Variants in COL24A1 observed in about 807,000 individuals in gnomAD.
The protein encoded by COL24A1 is collagen type XXIV alpha 1 chain, also known as collagen alpha-1(XXIV) chain.
In COL24A1, 224 loss-of-function variants were observed where a neutral mutation model predicts 253.9. The ratio of observed to expected loss-of-function variants is 0.88; its 90% CI spans 0.79 to 0.99. The LOEUF (loss-of-function observed/expected upper bound fraction) is 0.99, where lower values mean the gene tolerates loss of function less well. Ranked by LOEUF, COL24A1 falls within the 50% of genes least tolerant of loss-of-function variation. The probability of loss-of-function intolerance (pLI) is 0.00; values close to 1 mark genes in which losing one functional copy is unlikely to be tolerated. For synonymous variants in COL24A1, 685 were observed against 673.7 expected (o/e 1.02, Z -0.26); for missense variants, 2,131 against 2,068.5 (o/e 1.03, Z -0.59).
chr1:86,040,193 C>A (rs1455578775), intron 12 of COL24A1, among the ~76,000 whole-genome samples: 1 of 152,116 alleles, frequency 6.6e-6, no homozygotes. Context: ...CCACCTTATT[C>A]TTGCCATTTG....
chr1:86,114,980 G>T (rs1705995063), intron 4 of COL24A1, among the ~76,000 whole-genome samples: 1 of 152,074 alleles, frequency 6.6e-6, no homozygotes, highest in South Asian at 2.1e-4. Flanking sequence ...TTTTAAGGCA[G>T]CCCACCCCTC....
At chr1:85,733,721 T>A (rs573954252) in intron 59 of COL24A1, among the ~76,000 whole-genome samples, 2 of 151,676 alleles carry the variant, frequency 1.3e-5, no homozygotes, top group African/African-American at 4.8e-5. Flanking sequence ...CTGGGATTAT[T>A]GGCGTGTGCC....
intron 1 of COL24A1, among the ~76,000 whole-genome samples, chr1:86,150,592 T>C (rs1050091364): frequency 1.3e-5 from 2 of 151,960 alleles, no homozygotes; most frequent in Non-Finnish European, 2.9e-5. Flanking sequence ...ATTTTCATTT[T>C]AGCTTTCTTG....
At chr1:85,963,034 C>T (rs1257173165) in intron 23 of COL24A1, among the ~76,000 whole-genome samples, 1 of 152,046 alleles carries the variant, frequency 6.6e-6, no homozygotes, top group African/African-American at 2.4e-5. Flanking sequence ...ATTTGGATAT[C>T]TTGAGTTAAA....
In COL24A1 at chr1:86,000,283, C is replaced by T. The variant is rs528517643; in HGVS notation, c.2311-12629G>A. On this transcript the variant is annotated intron_variant, in intron 19 of 59. Coordinates refer to ENST00000370571, the MANE Select transcript of COL24A1 (RefSeq NM_152890.7). Reference sequence around the variant, plus strand: ...TCTCACATGATGCCTTCACCATTACCTAACAGTTTACATATAGATTTCGTT... The same window carrying T: ...TCTCACATGATGCCTTCACCATTACTTAACAGTTTACATATAGATTTCGTT... Among the ~76,000 whole-genome samples the T allele has an allele frequency of 2.0e-5, 3 of 152,264 alleles. No individual in the cohort carries two copies. The East Asian group carries it at 5.8e-4, about 29-fold the overall frequency.
chr1:86,049,897 T>G (rs1200231434), intron 11 of COL24A1, among the ~76,000 whole-genome samples: 1 of 152,118 alleles, frequency 6.6e-6, no homozygotes, highest in African/African-American at 2.4e-5. Context: ...TTTTCAAAAA[T>G]TTGAACTTAA....
chr1:86,050,819 A>T (rs1308354694), intron 10 of COL24A1, among the ~76,000 whole-genome samples: 2 of 152,050 alleles, frequency 1.3e-5, no homozygotes, highest in African/African-American at 4.8e-5. Flanking sequence ...AACAAGGGAT[A>T]CATATAAATA....
At chr1:86,070,950 C>T (rs964189426) in intron 7 of COL24A1, among the ~76,000 whole-genome samples, 3 of 151,942 alleles carry the variant, frequency 2.0e-5, no homozygotes, top group Non-Finnish European at 4.4e-5. Flanking sequence ...TAATATAGCA[C>T]TGTAATGGTG....
At chr1:85,907,344 G>A in intron 27 of COL24A1, 97 bp from the exon 28 acceptor site, 3 of 1,000,766 alleles carry the variant, frequency 3.0e-6, no homozygotes, top group Non-Finnish European at 4.6e-6. Context: ...CTTCTCCCAG[G>A]ACATTTTTAC....
In COL24A1 at chr1:86,156,583, G is replaced by C. The variant is rs192927425; in HGVS notation, c.-187C>G. ...CGGGAGGAGGTAGGAAATAGCACCCGAAGGGGAGGACAGGCTTCCTAGCTC... is the reference window on the plus strand; with the variant it reads ...CGGGAGGAGGTAGGAAATAGCACCCCAAGGGGAGGACAGGCTTCCTAGCTC... On this transcript the variant is annotated 5_prime_UTR_variant, in exon 1 of 60. Coordinates refer to ENST00000370571, the MANE Select transcript of COL24A1 (RefSeq NM_152890.7). 1 of 458,698 alleles carries C rather than the reference G, an allele frequency of 2.2e-6. No homozygotes were observed. Among genetic ancestry groups the C allele is most frequent in the African/African-American group, 2.0e-5 (1 of 49,208 alleles). The allele number at this position is 458,698 out of a possible 1,614,324, so 28.4% of individuals were successfully genotyped here.
Position 86,033,363 on chromosome 1 carries a change from C to A in COL24A1, c.2004+507G>T, listed in dbSNP as rs546699769. 4.6e-5 allele frequency among the ~76,000 whole-genome samples: 7 copies of A among 151,994 alleles called. No homozygotes were observed. The South Asian group carries it at 1.5e-3, about 32-fold the overall frequency. ...CAAAAACTAAAGCTTTTCTACCTAGCGCCAAAAAATAGCAATCCATCATCA... is the reference window on the plus strand; with the variant it reads ...CAAAAACTAAAGCTTTTCTACCTAGAGCCAAAAAATAGCAATCCATCATCA... On this transcript the variant is annotated intron_variant, in intron 13 of 59. Coordinates refer to ENST00000370571, the MANE Select transcript of COL24A1 (RefSeq NM_152890.7).
intron 43 of COL24A1, among the ~76,000 whole-genome samples, chr1:85,831,409 A>G (rs1248908089): frequency 6.6e-6 from 1 of 152,152 alleles, no homozygotes; most frequent in Non-Finnish European, 1.5e-5. Context: ...GAGTGATCAT[A>G]GAATAGCCAA....
chr1:86,025,415 A>G (rs915844384), intron 14 of COL24A1, among the ~76,000 whole-genome samples: 1 of 152,298 alleles, frequency 6.6e-6, no homozygotes, highest in Middle Eastern at 3.4e-3. Flanking sequence ...TCACTGGCCA[A>G]TTAATAAGGG....
chr1:86,126,592 C>A (rs1648339888), intron 2 of COL24A1, among the ~76,000 whole-genome samples: 1 of 152,018 alleles, frequency 6.6e-6, no homozygotes, highest in Non-Finnish European at 1.5e-5. Flanking sequence ...CCCACCTCAG[C>A]CTCCCAAGTA....
intron 12 of COL24A1, among the ~76,000 whole-genome samples, chr1:86,035,702 T>C (rs577142588): frequency 6.6e-6 from 1 of 152,284 alleles, no homozygotes; most frequent in Non-Finnish European, 1.5e-5. Context: ...TTATATACTT[T>C]AAAGGTGAAT....
At chr1:85,779,218 G>T (rs2101525420) in intron 52 of COL24A1, among the ~76,000 whole-genome samples, 1 of 152,112 alleles carries the variant, frequency 6.6e-6, no homozygotes, top group South Asian at 2.1e-4. Flanking sequence ...CCCAGGCTGT[G>T]TTCCAATTTC....
chr1:86,100,269 C>T (rs1450726234), intron 5 of COL24A1, among the ~76,000 whole-genome samples: 2 of 152,078 alleles, frequency 1.3e-5, no homozygotes, highest in Admixed American at 1.3e-4. Context: ...ATGTTTTCAT[C>T]AGGAATGCCA....
At chr1:85,886,612 C>T (rs918579958) in intron 32 of COL24A1, among the ~76,000 whole-genome samples, 1 of 151,778 alleles carries the variant, frequency 6.6e-6, no homozygotes, top group African/African-American at 2.4e-5. Flanking sequence ...TTGCAGTGAG[C>T]CAAGATTGCA....
rs67386357 is a variant in COL24A1 at position 85,767,103 on chromosome 1, C to CAATAATAATAAT, written c.4375-5549_4375-5538dup. 7.6e-3 allele frequency among the ~76,000 whole-genome samples: 1,114 copies of CAATAATAATAAT among 145,642 alleles called. 36 individuals carry two copies. Among genetic ancestry groups the CAATAATAATAAT allele is most frequent in the Admixed American group, 0.048 (694 of 14,364 alleles). ...TGGGTGACAGAGTGAGACTCCGTCT[C>CAATAATAATAAT]AATAATAATAATAATAATAATAATA... is the stretch of plus-strand genomic sequence containing the variant. On this transcript the variant is annotated intron_variant, in intron 53 of 59. Coordinates refer to ENST00000370571, the MANE Select transcript of COL24A1 (RefSeq NM_152890.7).
Sources: gnomAD v4.1 joint callset for allele counts (sites outside exome capture counted in the v4.1 genomes callset) on GRCh38, gnomAD v4.1.1 for gene constraint, MANE v1.5 for transcripts, NCBI Gene and HGNC (gene_info 2026-07-23, HGNC 2026-07-21) for gene names.